PAIP2B: variants seen among roughly 807,000 people sequenced by gnomAD.
PAIP2B encodes poly(A) binding protein interacting protein 2B, also known as polyadenylate-binding protein-interacting protein 2B.
A neutral mutation model predicts 17.0 loss-of-function variants in PAIP2B; 13 were observed. That is an observed-to-expected ratio of 0.76 (90% CI 0.50 to 1.22). The LOEUF (loss-of-function observed/expected upper bound fraction) is 1.22. Ranked by LOEUF, PAIP2B falls within the 50% of genes most tolerant of loss-of-function variation. The pLI, the probability that PAIP2B is intolerant of heterozygous loss-of-function variation, is 0.00. For synonymous variants in PAIP2B, 43 were observed against 48.7 expected (o/e 0.88, Z 0.48); for missense variants, 117 against 144.5 (o/e 0.81, Z 0.98).
chr2:71,212,452 G>A (rs549672447), intron 1 of PAIP2B, among the ~76,000 whole-genome samples: 3 of 152,224 alleles, frequency 2.0e-5, no homozygotes, highest in Admixed American at 6.5e-5. Flanking sequence ...TTTTTAGAAC[G>A]CTGTATTCTA....
At chr2:71,215,297 CAA>C (rs549141222) in intron 1 of PAIP2B, among the ~76,000 whole-genome samples, 1 of 139,074 alleles carries the variant, frequency 7.2e-6, no homozygotes. Flanking sequence ...GACTTCGTCT[CAA>C]AAAAAAAAAG....
At position 71,188,542 on chromosome 2, in the gene PAIP2B, TA is replaced by T. The variant is rs1558770550; in HGVS notation, c.316-8del. On this transcript the variant is annotated splice_region_variant and splice_polypyrimidine_tract_variant and intron_variant, in intron 3 of 3. Coordinates refer to ENST00000244221, the MANE Select transcript of PAIP2B (RefSeq NM_020459.1). ...GGTTCAGGTTACTTTTGCTCTGAAATAAGAACCAAGAGATAGTAAATCCTAA... is the reference window on the plus strand; with the variant it reads ...GGTTCAGGTTACTTTTGCTCTGAAATAGAACCAAGAGATAGTAAATCCTAA... The T allele has an allele frequency of 1.2e-6, 2 of 1,602,394 alleles. No individual in the cohort carries two copies. Among genetic ancestry groups the T allele is most frequent in the Admixed American group, 3.4e-5 (2 of 58,476 alleles).
At chr2:71,195,797 C>T (rs775562729) in intron 2 of PAIP2B, among the ~76,000 whole-genome samples, 3 of 152,150 alleles carry the variant, frequency 2.0e-5, no homozygotes, top group Admixed American at 1.3e-4. Flanking sequence ...GCCACCATGC[C>T]TGGCTAATTT....
At chr2:71,213,138 A>T (rs1290246801) in intron 1 of PAIP2B, among the ~76,000 whole-genome samples, 2 of 152,176 alleles carry the variant, frequency 1.3e-5, no homozygotes, top group African/African-American at 4.8e-5. Context: ...AAATGACTAT[A>T]ACATTCTCTT....
Position 71,190,040 on chromosome 2 carries a change from C to T in PAIP2B, c.139-19G>A, listed in dbSNP as rs759237258. On this transcript the variant is annotated intron_variant, in intron 2 of 3. Transcript: ENST00000244221. ...CCTCCACCTAGCAAGCAAAGGGGAGCAGCTCAGACTTACTGTCACAGCAAG... is the reference window on the plus strand; with the variant it reads ...CCTCCACCTAGCAAGCAAAGGGGAGTAGCTCAGACTTACTGTCACAGCAAG... 16 of 1,601,806 alleles carry T rather than the reference C, an allele frequency of 1.0e-5. No homozygotes were observed. Among genetic ancestry groups the T allele is most frequent in the Non-Finnish European group, 1.4e-5 (16 of 1,174,444 alleles).
At chr2:71,205,097 G>A (rs1675092716) in intron 1 of PAIP2B, among the ~76,000 whole-genome samples, 1 of 152,138 alleles carries the variant, frequency 6.6e-6, no homozygotes, top group African/African-American at 2.4e-5. Context: ...AGAGCAAGGT[G>A]GAACACAGAT....
intron 1 of PAIP2B, among the ~76,000 whole-genome samples, chr2:71,205,780 A>G (rs1315372478): frequency 6.6e-6 from 1 of 152,216 alleles, no homozygotes; most frequent in East Asian, 1.9e-4. Context: ...TGTAGTGAGG[A>G]CAAAGAAAAT....
At chr2:71,219,749 A>G (rs970363491) in intron 1 of PAIP2B, among the ~76,000 whole-genome samples, 1 of 152,148 alleles carries the variant, frequency 6.6e-6, no homozygotes, top group African/African-American at 2.4e-5. Context: ...TATTTAAAAT[A>G]TAACTATCTA....
intron 2 of PAIP2B, among the ~76,000 whole-genome samples, chr2:71,193,201 A>G (rs1674730832): frequency 6.6e-6 from 1 of 151,770 alleles, no homozygotes; most frequent in Admixed American, 6.6e-5. Context: ...AGTGATATTG[A>G]GCTTTTTTTC....
chr2:71,214,847 C>G (rs1034987516), intron 1 of PAIP2B, among the ~76,000 whole-genome samples: 20 of 151,902 alleles, frequency 1.3e-4, no homozygotes, highest in African/African-American at 4.8e-4. Flanking sequence ...ACCTGTATTC[C>G]AAATAATTTA....
Position 71,187,011 on chromosome 2 carries a change from G to A in PAIP2B, c.*1468C>T, listed in dbSNP as rs763767524. 1 of 152,116 alleles carries A rather than the reference G, an allele frequency of 6.6e-6. No individual in the cohort carries two copies. The highest frequency in any genetic ancestry group is 1.5e-5 in the Non-Finnish European group (1 of 68,070). The allele number at this position is 152,116 out of a possible 1,614,324, so 9.4% of individuals were successfully genotyped here. A position where few individuals can be genotyped will look rare whatever the true frequency, so the allele number is the denominator to read the frequency against. ...CACATACTGAATTTATACCAACTTT[G>A]TTTCAAGTTACATATCTTTTCCCTA... On this transcript the variant is annotated 3_prime_UTR_variant, in exon 4 of 4. Transcript: ENST00000244221.
At chr2:71,190,750 C>T (rs1367112794) in intron 2 of PAIP2B, among the ~76,000 whole-genome samples, 6 of 152,178 alleles carry the variant, frequency 3.9e-5, no homozygotes, top group Non-Finnish European at 8.8e-5. Context: ...AAAGATACTG[C>T]AAGTATATAA....
chr2:71,210,139 T>C (rs568278513), intron 1 of PAIP2B, among the ~76,000 whole-genome samples: 1 of 152,298 alleles, frequency 6.6e-6, no homozygotes, highest in Admixed American at 6.5e-5. Flanking sequence ...CATATTTTTA[T>C]ATACCATGTC....
At position 71,194,308 on chromosome 2, in the gene PAIP2B, C is replaced by A. The variant is rs1261859243; in HGVS notation, c.139-4287G>T. Among the ~76,000 whole-genome samples the A allele has an allele frequency of 2.6e-5, 4 of 152,072 alleles. No individual in the cohort carries two copies. In the East Asian group the frequency reaches 7.7e-4, roughly 29 times the overall value. On this transcript the variant is annotated intron_variant, in intron 2 of 3. Coordinates refer to ENST00000244221, the MANE Select transcript of PAIP2B (RefSeq NM_020459.1). ...CATTGAATCTGTAAACTGCTTTGGG[C>A]AGTATAGCCATTTTAATGATATTGA...
intron 1 of PAIP2B, among the ~76,000 whole-genome samples, chr2:71,209,248 A>C (rs1181382043): frequency 1.3e-5 from 2 of 152,234 alleles, no homozygotes; most frequent in Non-Finnish European, 2.9e-5. Context: ...AGAGGCAGGA[A>C]CAGACAGAAA....
At chr2:71,200,589 T>G (rs7560202) in intron 2 of PAIP2B, among the ~76,000 whole-genome samples, 10,146 of 152,128 alleles carry the variant, frequency 0.067, 379 homozygotes, top group African/African-American at 0.093. Context: ...CCATCTCTAC[T>G]AAAAATGCAA....
Position 71,188,489 on chromosome 2 carries a change from T to C in PAIP2B, c.362A>G (p.Glu121Gly), listed in dbSNP as rs1674600287. 1 of 1,609,886 alleles carries C rather than the reference T, an allele frequency of 6.2e-7. No homozygotes were observed. The highest frequency in any genetic ancestry group is 8.5e-7 in the Non-Finnish European group (1 of 1,178,086). The change falls in exon 4 of 4, where the codon GAG becomes GGG. Residue 121 changes from glutamate to glycine, a missense_variant. Glu to Gly is a moderately conservative substitution (Grantham distance 98, BLOSUM62 -2). Transcript: ENST00000244221. ...CAAAGCTTTCTCGGCTCAGTACTTC[T>C]CTCCTGGAATAAACTCCTTGGCATC... Reference protein sequence around the residue: ...NPDAKEFIPGEKY With the variant: ...NPDAKEFIPGGKY
At chr2:71,207,381 A>G (rs1342526446) in intron 1 of PAIP2B, among the ~76,000 whole-genome samples, 1 of 152,176 alleles carries the variant, frequency 6.6e-6, no homozygotes, top group Non-Finnish European at 1.5e-5. Flanking sequence ...CCAGAGAATG[A>G]CAAGGAAGAG....
At chr2:71,206,286 G>A (rs1181980448) in intron 1 of PAIP2B, among the ~76,000 whole-genome samples, 2 of 152,200 alleles carry the variant, frequency 1.3e-5, no homozygotes, top group Non-Finnish European at 2.9e-5. Flanking sequence ...AGTAGATAAA[G>A]GAGTTTGTGT....
Sources: allele counts gnomAD v4.1 joint callset (sites outside exome capture counted in the v4.1 genomes callset), GRCh38; gene constraint gnomAD v4.1.1; transcripts MANE v1.5; gene names NCBI Gene and HGNC (gene_info 2026-07-23, HGNC 2026-07-21).